The following KMO variants were observed in gnomAD, a reference collection of about 807,000 sequenced individuals.
The protein encoded by KMO is kynurenine 3-hydroxylase.
A neutral mutation model predicts 57.8 loss-of-function variants in KMO; 24 were observed. The ratio of observed to expected loss-of-function variants is 0.42; its 90% CI spans 0.30 to 0.58. The LOEUF is 0.58. Among genes scored for constraint, KMO ranks in the 20% least tolerant of loss-of-function variants. The pLI, the probability that KMO is intolerant of heterozygous loss-of-function variation, is 0.22. For synonymous variants in KMO, 210 were observed against 193.6 expected, an observed-to-expected ratio of 1.08 and a Z score of -0.70; for missense variants, 483 against 588.2, an observed-to-expected ratio of 0.82 and a Z score of 1.85.
intron 10 of KMO, among the ~76,000 whole-genome samples, chr1:241,573,736 A>G (rs574257388): frequency 6.6e-6 from 1 of 151,680 alleles, no homozygotes; most frequent in South Asian, 2.1e-4. Context: ...TCTTTTTGCT[A>G]TTTGGGCTCA....
At chr1:241,585,155 G>T (rs1662918992) in intron 10 of KMO, among the ~76,000 whole-genome samples, 1 of 152,008 alleles carries the variant, frequency 6.6e-6, no homozygotes, top group African/African-American at 2.4e-5. Context: ...CTTGAACCTG[G>T]CAGGTGGAGG....
intron 10 of KMO, among the ~76,000 whole-genome samples, chr1:241,574,561 T>C (rs1202759760): frequency 1.3e-5 from 2 of 151,946 alleles, no homozygotes; most frequent in African/African-American, 4.8e-5. Context: ...TTATGTGATG[T>C]ATCACATTTA....
intron 1 of KMO, 47 bp downstream of exon 1, chr1:241,532,545 C>T: frequency 7.5e-7 from 1 of 1,329,184 alleles, no homozygotes; most frequent in Non-Finnish European, 1.1e-6. Flanking sequence ...ATTATATTAA[C>T]TATTATTACT....
At chr1:241,562,911 GAAGGAAA>G (rs1661922104) in intron 7 of KMO, among the ~76,000 whole-genome samples, 6 of 28,910 alleles carry the variant, frequency 2.1e-4, no homozygotes, top group African/African-American at 6.4e-4. Flanking sequence ...AGGAAGGAAG[GAAGGAAA>G]GAAGGAAGGA....
intron 1 of KMO, among the ~76,000 whole-genome samples, chr1:241,534,807 C>G (rs1660698462): frequency 6.6e-6 from 1 of 152,192 alleles, no homozygotes; most frequent in African/African-American, 2.4e-5. Context: ...TCATCCCCTG[C>G]TTAAAATCTT....
At chr1:241,567,001 G>T (rs140492605) in intron 9 of KMO, among the ~76,000 whole-genome samples, 47 of 152,250 alleles carry the variant, frequency 3.1e-4, no homozygotes, top group African/African-American at 1.1e-3. Context: ...TACTAGACAC[G>T]TAAGCTTTCC....
chr1:241,581,905 C>T (rs1233487111), intron 10 of KMO, among the ~76,000 whole-genome samples: 1 of 152,030 alleles, frequency 6.6e-6, no homozygotes, highest in East Asian at 1.9e-4. Flanking sequence ...TGTTAACATC[C>T]TTTTCTTTCA....
In KMO at chr1:241,594,468, T is replaced by A. The variant is rs750284319; in HGVS notation, c.*2315T>A. On this transcript the variant is annotated 3_prime_UTR_variant, in exon 15 of 15. Coordinates refer to ENST00000366559, the MANE Select transcript of KMO (RefSeq NM_003679.5). ...TTGGATTACATCAACTTTGGACCCATTGGTTTTGTCGCTGTCGTCAACTGA... is the reference window on the plus strand; with the variant it reads ...TTGGATTACATCAACTTTGGACCCAATGGTTTTGTCGCTGTCGTCAACTGA... 3.7e-6 allele frequency: 6 copies of A among 1,613,962 alleles called. No homozygotes were observed. The highest frequency in any genetic ancestry group is 5.1e-6 in the Non-Finnish European group (6 of 1,179,964).
At chr1:241,533,826 G>C (rs113474732) in intron 1 of KMO, among the ~76,000 whole-genome samples, 2 of 152,312 alleles carry the variant, frequency 1.3e-5, no homozygotes, top group East Asian at 3.9e-4. Flanking sequence ...TTAGAATGTG[G>C]TCAGGGACAG....
intron 10 of KMO, among the ~76,000 whole-genome samples, chr1:241,581,799 C>T (rs1662762896): frequency 6.6e-6 from 1 of 152,062 alleles, no homozygotes; most frequent in African/African-American, 2.4e-5. Flanking sequence ...AAGATATGTA[C>T]ATACTGCAGT....
chr1:241,578,958 T>G (rs1185491558), intron 10 of KMO, among the ~76,000 whole-genome samples: 1 of 152,080 alleles, frequency 6.6e-6, no homozygotes, highest in African/African-American at 2.4e-5. Flanking sequence ...TCAGATCTCA[T>G]GAGACTTATT....
chr1:241,564,922 C>T (rs1662017491), intron 7 of KMO, 65 bp from the exon 8 acceptor site: 6 of 976,748 alleles, frequency 6.1e-6, no homozygotes, highest in Admixed American at 5.5e-5. Context: ...TATTATAAAG[C>T]TGAGTCCGTT....
intron 7 of KMO, among the ~76,000 whole-genome samples, chr1:241,562,893 AGG>A (rs1661913459): frequency 1.2e-5 from 1 of 83,164 alleles, no homozygotes; most frequent in African/African-American, 4.6e-5. Context: ...GAAGGAAGGA[AGG>A]AAGGAAGGAA....
At chr1:241,549,247 A>AAGAG (rs1558414844) in intron 2 of KMO, among the ~76,000 whole-genome samples, 1 of 23,060 alleles carries the variant, frequency 4.3e-5, no homozygotes, top group African/African-American at 1.0e-4. Flanking sequence ...GAAAGAAAGA[A>AAGAG]AGAAAGAAAG....
At chr1:241,553,751 T>C (rs1335697711) in intron 4 of KMO, among the ~76,000 whole-genome samples, 1 of 152,218 alleles carries the variant, frequency 6.6e-6, no homozygotes, top group Admixed American at 6.5e-5. Context: ...TAACATAATT[T>C]AAATAGCAAG....
At chr1:241,583,646 T>C (rs988747531) in intron 10 of KMO, among the ~76,000 whole-genome samples, 3 of 152,328 alleles carry the variant, frequency 2.0e-5, no homozygotes, top group East Asian at 1.9e-4. Context: ...ATAATACATA[T>C]ACCTAATACA....
chr1:241,560,216 C>CT (rs1275290596), intron 5 of KMO, among the ~76,000 whole-genome samples: 1 of 152,168 alleles, frequency 6.6e-6, no homozygotes, highest in African/African-American at 2.4e-5. Flanking sequence ...TCAACAATCT[C>CT]TATTTGTGAC....
At chr1:241,559,241 T>C (rs1661748862) in intron 5 of KMO, among the ~76,000 whole-genome samples, 1 of 152,122 alleles carries the variant, frequency 6.6e-6, no homozygotes, top group Admixed American at 6.5e-5. Flanking sequence ...GCAACACATC[T>C]CAATTTAGGA....
At chr1:241,577,399 CTG>C (rs1290520800) in intron 10 of KMO, among the ~76,000 whole-genome samples, 1 of 152,042 alleles carries the variant, frequency 6.6e-6, no homozygotes, top group Non-Finnish European at 1.5e-5. Flanking sequence ...TTTGATTCAA[CTG>C]TGTTTTTCTT....
Sources: gnomAD v4.1 joint callset for allele counts (sites outside exome capture counted in the v4.1 genomes callset) on GRCh38, gnomAD v4.1.1 for gene constraint, MANE v1.5 for transcripts, NCBI Gene and HGNC (gene_info 2026-07-23, HGNC 2026-07-21) for gene names.